MICAL2: variants seen among roughly 807,000 people sequenced by gnomAD.
The protein encoded by MICAL2 is [F-actin]-monooxygenase MICAL2.
Under a neutral mutation model 127.3 loss-of-function variants are expected in MICAL2, and 77 were observed. That is an observed-to-expected ratio of 0.60 (90% confidence interval 0.50 to 0.73). The LOEUF (loss-of-function observed/expected upper bound fraction) is 0.73. Ranked by LOEUF, MICAL2 falls within the 30% of genes least tolerant of loss-of-function variation. The pLI is 0.00. For missense variants in MICAL2, 1,351 were observed against 1,434.4 expected, an observed-to-expected ratio of 0.94 and a Z score of 0.94; for synonymous variants, 570 against 551.1, an observed-to-expected ratio of 1.03 and a Z score of -0.48.
intron 8 of MICAL2, among the ~76,000 whole-genome samples, chr11:12,219,891 A>T (rs1417906324): frequency 6.6e-6 from 1 of 152,186 alleles, no homozygotes; most frequent in Non-Finnish European, 1.5e-5. Flanking sequence ...TGCCAGGGAA[A>T]AATTGCCTCC....
chr11:12,287,355 G>A (rs1464754809), downstream of MICAL2: 7 of 377,824 alleles, frequency 1.9e-5, no homozygotes, highest in Non-Finnish European at 3.3e-5. Context: ...TTTTCCAAGG[G>A]ACTCAAGATC....
Position 12,162,073 on chromosome 11 carries a change from T to C in MICAL2, c.-77-6T>C. The C allele has an allele frequency of 6.3e-7, 1 of 1,581,116 alleles. No homozygotes were observed. Among genetic ancestry groups the C allele is most frequent in the Non-Finnish European group, 8.6e-7 (1 of 1,161,076 alleles). ...AGCTGACCTCTGCCTCCCCCTACTT[T>C]CACAGGTGTGACGTTTCTCCAGATA... On this transcript the variant is annotated splice_polypyrimidine_tract_variant and splice_region_variant and intron_variant, in intron 2 of 27. Coordinates refer to ENST00000683283, the MANE Select transcript of MICAL2 (RefSeq NM_001282663.2).
chr11:12,295,753 C>T (rs1027644304), downstream of MICAL2, among the ~76,000 whole-genome samples: 1 of 151,954 alleles, frequency 6.6e-6, no homozygotes, highest in African/African-American at 2.4e-5. Context: ...TGCCAATTAC[C>T]ATGTAGTATA....
Position 12,241,065 on chromosome 11 carries a change from A to G in MICAL2, c.2240A>G (p.Lys747Arg). The change falls in exon 18 of 28, where the codon AAG (lysine) becomes AGG (arginine). Residue 747 changes from lysine (K) to arginine (R), a missense_variant. By Grantham distance (26) the Lys-to-Arg change is conservative (BLOSUM62 2). This residue lies in a region of MICAL2 where 752 missense variants were observed against 719.4 expected (regional missense o/e 1.05). Coordinates refer to ENST00000683283, the MANE Select transcript of MICAL2 (RefSeq NM_001282663.2). ...GAACGCCGTGTCTCAGGGATAGGTAAGCCGGTCCTGTGCTCTTCCTCCGGC... is the reference window on the plus strand; with the variant it reads ...GAACGCCGTGTCTCAGGGATAGGTAGGCCGGTCCTGTGCTCTTCCTCCGGC... Reference protein sequence around the residue: ...KQERRVSGIGKPVLCSSSGPP... With the variant: ...KQERRVSGIGRPVLCSSSGPP... The G allele has an allele frequency of 2.5e-6, 4 of 1,614,046 alleles. No individual in the cohort carries two copies. Among genetic ancestry groups the G allele is most frequent in the Non-Finnish European group, 3.4e-6 (4 of 1,179,998 alleles).
intron 2 of MICAL2, among the ~76,000 whole-genome samples, chr11:12,157,380 A>T (rs772114143): frequency 6.6e-6 from 1 of 152,000 alleles, no homozygotes; most frequent in Non-Finnish European, 1.5e-5. Context: ...GTTGCCTGCA[A>T]TCTGGGGCCC....
At chr11:12,135,725 T>C (rs996612562) in intron 1 of MICAL2, among the ~76,000 whole-genome samples, 24 of 152,166 alleles carry the variant, frequency 1.6e-4, no homozygotes, top group Non-Finnish European at 7.4e-5. Flanking sequence ...CCTCACTGGG[T>C]AGCCTGCACA....
intron 9 of MICAL2, among the ~76,000 whole-genome samples, chr11:12,221,208 C>T (rs1052740063): frequency 6.6e-6 from 1 of 152,162 alleles, no homozygotes; most frequent in Non-Finnish European, 1.5e-5. Flanking sequence ...TCCCATGCTC[C>T]ATGTTACACC....
chr11:12,284,883 A>T (rs914647188), intron 2 of MICAL2, among the ~76,000 whole-genome samples: 3 of 152,194 alleles, frequency 2.0e-5, no homozygotes, highest in African/African-American at 7.2e-5. Context: ...CAGAGCAGAC[A>T]TGAAGCGCCT....
chr11:12,351,713 T>G (rs557296496), intron 33 of MICAL2, among the ~76,000 whole-genome samples: 1 of 151,912 alleles, frequency 6.6e-6, no homozygotes, highest in Non-Finnish European at 1.5e-5. Context: ...ATTCATTGAG[T>G]TCCATTGACA....
chr11:12,319,599 G>C (rs1304636558), intron 29 of MICAL2: 1 of 859,600 alleles, frequency 1.2e-6, no homozygotes, highest in Non-Finnish European at 1.9e-6. Context: ...GGGAGGAAGG[G>C]AATGAGAGTA....
intron 13 of MICAL2, among the ~76,000 whole-genome samples, chr11:12,225,305 T>C (rs1857280984): frequency 6.6e-6 from 1 of 152,208 alleles, no homozygotes; most frequent in Admixed American, 6.5e-5. Context: ...AGCAGGGTCA[T>C]TGGGGAGATC....
chr11:12,248,333 C>T (rs549846372), intron 21 of MICAL2, among the ~76,000 whole-genome samples: 150 of 152,270 alleles, frequency 9.9e-4, no homozygotes, highest in Non-Finnish European at 2.0e-3. Context: ...GTTTTATGTC[C>T]CCAGAACCAT....
intron 3 of MICAL2, among the ~76,000 whole-genome samples, chr11:12,199,782 G>A (rs1036656772): frequency 6.6e-6 from 1 of 152,174 alleles, no homozygotes; most frequent in Non-Finnish European, 1.5e-5. Context: ...TCCATGAGGC[G>A]TTTGTCTCTC....
chr11:12,260,193 T>C (rs1590693438), intron 26 of MICAL2: 3 of 1,478,614 alleles, frequency 2.0e-6, no homozygotes, highest in Non-Finnish European at 2.7e-6. Context: ...TGCCCCAAAG[T>C]GCCTTCACAT....
chr11:12,180,690 C>T (rs1857349992), intron 3 of MICAL2, among the ~76,000 whole-genome samples: 1 of 151,990 alleles, frequency 6.6e-6, no homozygotes, highest in Non-Finnish European at 1.5e-5. Flanking sequence ...TGAGGCTTCA[C>T]TGGGTTAAGG....
chr11:12,230,055 C>T (rs1470030706), intron 15 of MICAL2, among the ~76,000 whole-genome samples: 2 of 152,202 alleles, frequency 1.3e-5, no homozygotes, highest in Non-Finnish European at 2.9e-5. Context: ...GCTACTGGGT[C>T]ACCACACTGT....
intron 2 of MICAL2, among the ~76,000 whole-genome samples, chr11:12,143,879 G>A (rs1852601769): frequency 6.6e-6 from 1 of 152,190 alleles, no homozygotes; most frequent in Non-Finnish European, 1.5e-5. Flanking sequence ...TCATGAGGGT[G>A]AGCCAGAATT....
chr11:12,272,487 A>G (rs527917902), upstream of MICAL2, among the ~76,000 whole-genome samples: 1 of 152,294 alleles, frequency 6.6e-6, no homozygotes, highest in South Asian at 2.1e-4. Context: ...AACCCCTAGC[A>G]CAGGCCTGGA....
intron 29 of MICAL2, among the ~76,000 whole-genome samples, chr11:12,299,210 T>C (rs1262596925): frequency 6.6e-6 from 1 of 152,216 alleles, no homozygotes; most frequent in Non-Finnish European, 1.5e-5. Context: ...CAAGTGTTCT[T>C]AGGTCAGTAT....
Sources: allele counts gnomAD v4.1 joint callset (sites outside exome capture counted in the v4.1 genomes callset), GRCh38; gene constraint gnomAD v4.1.1; regional missense constraint gnomAD v4.1.1; transcripts MANE v1.5; gene names NCBI Gene and HGNC (gene_info 2026-07-23, HGNC 2026-07-21).